ASCC3: variants seen among roughly 807,000 people sequenced by gnomAD.
The protein encoded by ASCC3 is ASC-1 complex subunit P200.
Under a neutral mutation model 256.3 loss-of-function variants are expected in ASCC3, and 158 were observed. That is an observed-to-expected ratio of 0.62 (90% CI 0.54 to 0.70). The LOEUF (loss-of-function observed/expected upper bound fraction) is 0.70, where lower values mean the gene tolerates loss of function less well. Among genes scored for constraint, ASCC3 ranks in the 30% least tolerant of loss-of-function variants. The pLI is 0.00. For missense variants in ASCC3, 2,259 were observed against 2,626.0 expected (o/e 0.86, Z 3.05); for synonymous variants, 948 against 883.4 (o/e 1.07, Z -1.30).
At chr6:100,545,017 T>C (rs750059302) in intron 36 of ASCC3, among the ~76,000 whole-genome samples, 3 of 152,098 alleles carry the variant, frequency 2.0e-5, no homozygotes, top group South Asian at 2.1e-4. Flanking sequence ...TCAATAAATA[T>C]AATTCACCTT....
chr6:100,869,859 T>G (rs1006212840), intron 1 of ASCC3, among the ~76,000 whole-genome samples: 1 of 152,040 alleles, frequency 6.6e-6, no homozygotes, highest in Non-Finnish European at 1.5e-5. Context: ...ATCAAAAATA[T>G]CAGATCAGAC....
chr6:100,658,375 T>C (rs1378727851), intron 16 of ASCC3, among the ~76,000 whole-genome samples: 1 of 151,518 alleles, frequency 6.6e-6, no homozygotes, highest in East Asian at 1.9e-4. Flanking sequence ...TATTTGAATA[T>C]GTATTTTTAA....
chr6:100,540,276 G>T lies in ASCC3; in HGVS notation c.5662C>A (p.His1888Asn), dbSNP rs757744476. The T allele has an allele frequency of 8.7e-6, 14 of 1,613,824 alleles. No individual in the cohort carries two copies. The highest frequency in any genetic ancestry group is 1.2e-5 in the Non-Finnish European group (14 of 1,179,986). ...ESNPHSFDSP[H>N]TKAHLLLQAH... Reference sequence around the variant, plus strand: ...TGTAGCAGGAGATGTGCTTTGGTGTGAGGGCTGTCAAATGAATGAGGATTT... The same window carrying T: ...TGTAGCAGGAGATGTGCTTTGGTGTTAGGGCTGTCAAATGAATGAGGATTT... The change falls in exon 37 of 42, where the codon CAC (histidine) becomes AAC (asparagine). Residue 1888 changes from histidine to asparagine, a missense_variant. His to Asn is a moderately conservative substitution (Grantham distance 68, BLOSUM62 1). This residue lies in a region of ASCC3 where 1,839 missense variants were observed against 2,206.7 expected (regional missense o/e 0.83). Transcript: ENST00000369162.
chr6:100,709,163 C>T (rs1778750414), intron 13 of ASCC3, among the ~76,000 whole-genome samples: 1 of 152,232 alleles, frequency 6.6e-6, no homozygotes, highest in Admixed American at 6.5e-5. Flanking sequence ...ATTGGGTATA[C>T]ATTATGGTCA....
At chr6:100,711,060 G>A (rs1296615952) in intron 13 of ASCC3, among the ~76,000 whole-genome samples, 1 of 151,816 alleles carries the variant, frequency 6.6e-6, no homozygotes, top group African/African-American at 2.4e-5. Flanking sequence ...AATCTCAATA[G>A]GAAAAAATTT....
At chr6:100,812,599 G>A (rs952305558) in intron 4 of ASCC3, among the ~76,000 whole-genome samples, 4 of 152,032 alleles carry the variant, frequency 2.6e-5, no homozygotes, top group Non-Finnish European at 4.4e-5. Context: ...GAAATAATCA[G>A]CAAACTGGAA....
chr6:100,756,558 T>C (rs1048799635), intron 10 of ASCC3, among the ~76,000 whole-genome samples: 8 of 152,062 alleles, frequency 5.3e-5, no homozygotes, highest in Non-Finnish European at 8.8e-5. Flanking sequence ...CTCCCTTCTC[T>C]CAGTTCAAAA....
chr6:100,737,284 T>C (rs1279617959), intron 10 of ASCC3, among the ~76,000 whole-genome samples: 1 of 151,738 alleles, frequency 6.6e-6, no homozygotes, highest in Non-Finnish European at 1.5e-5. Flanking sequence ...GTTTATTACA[T>C]AAGAAAACGT....
At chr6:100,659,124 G>C (rs1776064746) in intron 16 of ASCC3, among the ~76,000 whole-genome samples, 1 of 151,240 alleles carries the variant, frequency 6.6e-6, no homozygotes, top group Admixed American at 6.6e-5. Context: ...TAAACTAATA[G>C]TCAGAATTGA....
intron 36 of ASCC3, among the ~76,000 whole-genome samples, chr6:100,542,552 C>T (rs538074000): frequency 6.6e-6 from 1 of 151,860 alleles, no homozygotes; most frequent in Non-Finnish European, 1.5e-5. Flanking sequence ...CATGGTGGCA[C>T]GCACCTGTAG....
At chr6:100,584,691 G>C (rs147836247) in intron 36 of ASCC3, among the ~76,000 whole-genome samples, 2,586 of 151,988 alleles carry the variant, frequency 0.017, 60 homozygotes, top group African/African-American at 0.057. Context: ...ATGGTCTTTA[G>C]ATTTTGGCAT....
intron 30 of ASCC3, among the ~76,000 whole-genome samples, chr6:100,608,314 C>T (rs1388980724): frequency 1.2e-5 from 1 of 82,362 alleles, no homozygotes; most frequent in Non-Finnish European, 2.1e-5. Flanking sequence ...ATATGTATAC[C>T]TTATATATAT....
In ASCC3 at chr6:100,521,174, T is replaced by C. The variant is rs993465272; in HGVS notation, c.5776-3032A>G. Among the ~76,000 whole-genome samples, 24 of 152,202 alleles carry C rather than the reference T, an allele frequency of 1.6e-4. No individual in the cohort carries two copies. In the East Asian group the frequency reaches 3.7e-3, roughly 23 times the overall value. ...GTTTTAATGTCAGATAAACATAAAGTAATCCCCCCTTATCTGTAGGGAATA... is the reference window on the plus strand; with the variant it reads ...GTTTTAATGTCAGATAAACATAAAGCAATCCCCCCTTATCTGTAGGGAATA... On this transcript the variant is annotated intron_variant, in intron 37 of 41. Coordinates refer to ENST00000369162, the MANE Select transcript of ASCC3 (RefSeq NM_006828.4).
rs1300229403 is a variant in ASCC3 at position 100,848,290 on chromosome 6, C to A, written c.659G>T (p.Gly220Val). Residue 220 changes from glycine to valine, a missense_variant, in exon 4 of 42, where the codon GGC becomes GTC. Physicochemically the swap from Gly to Val is moderately radical, Grantham distance 109. Transcript: ENST00000369162. ...TTCAACTTCACACCACAAAAAGGAG[C>A]CATTTGTTTTTTCCACAGGCTTGAG... ...PELKPVEKTNGSFLWCEVEKY... is the reference protein window; with the variant it reads ...PELKPVEKTNVSFLWCEVEKY... 5 of 1,614,006 alleles carry A rather than the reference C, an allele frequency of 3.1e-6. No individual in the cohort carries two copies. The highest frequency in any genetic ancestry group is 4.2e-6 in the Non-Finnish European group (5 of 1,179,982).
rs557102272 is a variant in ASCC3 at position 100,828,153 on chromosome 6, TAATA to T, written c.801+19991_801+19994del. 5.4e-3 allele frequency among the ~76,000 whole-genome samples: 818 copies of T among 150,952 alleles called. 10 individuals are homozygous for T. Among genetic ancestry groups the T allele is most frequent in the African/African-American group, 0.019 (778 of 41,156 alleles). Reference sequence around the variant, plus strand: ...GAAAAAACAATTTAGTAACTCATATTAATAATTATTTCATAATAGCAACAAAACA... The same window carrying T: ...GAAAAAACAATTTAGTAACTCATATTATTATTTCATAATAGCAACAAAACA... On this transcript the variant is annotated intron_variant, in intron 4 of 41. Coordinates refer to ENST00000369162, the MANE Select transcript of ASCC3 (RefSeq NM_006828.4).
chr6:100,816,321 T>G (rs1770743995), intron 4 of ASCC3, among the ~76,000 whole-genome samples: 1 of 152,046 alleles, frequency 6.6e-6, no homozygotes, highest in Non-Finnish European at 1.5e-5. Flanking sequence ...GACTGTAAAT[T>G]AGTTCAACCA....
In ASCC3 at chr6:100,644,024, C is replaced by T. The variant is rs988734607; in HGVS notation, c.3732+7G>A. The T allele has an allele frequency of 1.3e-6, 2 of 1,578,952 alleles. No homozygotes were observed. Among genetic ancestry groups the T allele is most frequent in the South Asian group, 1.1e-5 (1 of 90,250 alleles). ...AAATAAGGATATATTCACATATATA[C>T]ACTTACTTGTTTTTTTAGAGCTAGA... On this transcript the variant is annotated splice_region_variant and intron_variant, in intron 23 of 41. Transcript: ENST00000369162.
intron 14 of ASCC3, among the ~76,000 whole-genome samples, chr6:100,667,819 T>C (rs1000442337): frequency 2.0e-5 from 3 of 151,970 alleles, no homozygotes; most frequent in African/African-American, 4.8e-5. Context: ...AAGTGATCCA[T>C]GGATAAAGAC....
intron 36 of ASCC3, among the ~76,000 whole-genome samples, chr6:100,583,008 T>A (rs1220890284): frequency 1.3e-5 from 2 of 152,214 alleles, no homozygotes; most frequent in Non-Finnish European, 2.9e-5. Flanking sequence ...ATTGAGGATT[T>A]TTGCATCAAT....
Sources: gnomAD v4.1 joint callset for allele counts (sites outside exome capture counted in the v4.1 genomes callset) on GRCh38, gnomAD v4.1.1 for gene constraint, gnomAD v4.1.1 regional missense constraint, MANE v1.5 for transcripts, NCBI Gene and HGNC (gene_info 2026-07-23, HGNC 2026-07-21) for gene names.